The following VPS13B variants were observed in gnomAD, a reference collection of about 807,000 sequenced individuals.
VPS13B encodes intermembrane lipid transfer protein VPS13B.
Under a neutral mutation model 426.4 loss-of-function variants are expected in VPS13B, and 285 were observed. That is an observed-to-expected ratio of 0.67 (90% CI 0.61 to 0.74). The LOEUF is 0.74. Among genes scored for constraint, VPS13B ranks in the 30% least tolerant of loss-of-function variants. The pLI, the probability that VPS13B is intolerant of heterozygous loss-of-function variation, is 0.00. For missense variants in VPS13B, 4,537 were observed against 4,782.6 expected (o/e 0.95, Z 1.51); for synonymous variants, 1,676 against 1,676.4 (o/e 1.00, Z 0.01).
At chr8:99,615,698 T>C (rs1392717138) in intron 33 of VPS13B, among the ~76,000 whole-genome samples, 1 of 152,200 alleles carries the variant, frequency 6.6e-6, no homozygotes, top group Non-Finnish European at 1.5e-5. Flanking sequence ...AAATTTGTTT[T>C]GCCACACCTG....
chr8:99,727,751 A>G (rs958100854), intron 39 of VPS13B, among the ~76,000 whole-genome samples: 8 of 152,194 alleles, frequency 5.3e-5, no homozygotes, highest in African/African-American at 1.9e-4. Context: ...GCCAAACAGT[A>G]TCAGGTTTTA....
chr8:99,852,220 A>G (rs191677902), intron 55 of VPS13B, among the ~76,000 whole-genome samples: 1 of 152,340 alleles, frequency 6.6e-6, no homozygotes, highest in Admixed American at 6.5e-5. Context: ...GATTGGTTAT[A>G]GACATGATAA....
chr8:99,328,969 C>G (rs1374941694), intron 19 of VPS13B, among the ~76,000 whole-genome samples: 1 of 152,094 alleles, frequency 6.6e-6, no homozygotes, highest in South Asian at 2.1e-4. Context: ...CTCTCCTCCC[C>G]CTAGTTATTA....
At chr8:99,309,156 C>T (rs1384581995) in intron 19 of VPS13B, among the ~76,000 whole-genome samples, 1 of 152,092 alleles carries the variant, frequency 6.6e-6, no homozygotes, top group African/African-American at 2.4e-5. Context: ...ATGGTAGTTT[C>T]TTTTGCTGTG....
chr8:99,360,559 G>A (rs1337163115), intron 19 of VPS13B, among the ~76,000 whole-genome samples: 1 of 152,050 alleles, frequency 6.6e-6, no homozygotes, highest in Non-Finnish European at 1.5e-5. Context: ...TTACAGGCAT[G>A]AGCCACCCCA....
At chr8:99,326,895 C>T (rs572172808) in intron 19 of VPS13B, among the ~76,000 whole-genome samples, 2 of 152,280 alleles carry the variant, frequency 1.3e-5, no homozygotes, top group Admixed American at 1.3e-4. Flanking sequence ...CATTCAATCT[C>T]AGACACATGA....
At chr8:99,392,934 T>G (rs112140118) in intron 21 of VPS13B, among the ~76,000 whole-genome samples, 28 of 152,206 alleles carry the variant, frequency 1.8e-4, no homozygotes, top group African/African-American at 6.7e-4. Context: ...GATTATAAAA[T>G]TAAATATTCT....
intron 26 of VPS13B, among the ~76,000 whole-genome samples, 163 bp from the exon 27 acceptor site, chr8:99,502,673 A>C (rs934287044): frequency 6.6e-6 from 1 of 152,150 alleles, no homozygotes; most frequent in Admixed American, 6.5e-5. Flanking sequence ...TCTTATCTTA[A>C]TAAACAGGCC....
At chr8:99,371,014 C>T (rs1169793957) in intron 19 of VPS13B, among the ~76,000 whole-genome samples, 1 of 152,116 alleles carries the variant, frequency 6.6e-6, no homozygotes, top group Non-Finnish European at 1.5e-5. Context: ...TCACAAACCG[C>T]TTGAAATTTT....
intron 17 of VPS13B, among the ~76,000 whole-genome samples, chr8:99,244,334 T>C (rs1817088888): frequency 6.6e-6 from 1 of 152,256 alleles, no homozygotes; most frequent in Non-Finnish European, 1.5e-5. Context: ...ATTACTGGTA[T>C]TAAAAAAGCA....
At chr8:99,070,390 T>C (rs1844792545) in intron 3 of VPS13B, among the ~76,000 whole-genome samples, 2 of 152,248 alleles carry the variant, frequency 1.3e-5, no homozygotes, top group African/African-American at 4.8e-5. Context: ...ATTCTTTCTT[T>C]GTATTATAGT....
chr8:99,135,867 G>T, intron 11 of VPS13B, 134 bp downstream of exon 11: 2 of 1,221,168 alleles, frequency 1.6e-6, no homozygotes. Context: ...CATTTAGAAT[G>T]CATTTATACA....
rs1047477903 is a variant in VPS13B, at chr8:99,761,687, T to G, written c.7051-5087T>G. 1.4e-4 allele frequency among the ~76,000 whole-genome samples: 22 copies of G among 152,350 alleles called. 1 individual carries two copies. Among genetic ancestry groups the G allele is most frequent in the African/African-American group, 5.3e-4 (22 of 41,582 alleles). On this transcript the variant is annotated intron_variant, in intron 39 of 61. Transcript: ENST00000357162. ...CTCCACCAAAAAGATTACATTGAACTTTATATTCCGTTATTTGTATTACCA... is the reference window on the plus strand; with the variant it reads ...CTCCACCAAAAAGATTACATTGAACGTTATATTCCGTTATTTGTATTACCA...
chr8:99,444,007 C>CT (rs201151186), intron 23 of VPS13B, among the ~76,000 whole-genome samples: 29,813 of 146,898 alleles, frequency 0.2, 3,393 homozygotes, highest in East Asian at 0.38. Flanking sequence ...TTTTTCTTTT[C>CT]TTTTTTTTTT....
chr8:99,047,596 A>T (rs1237869142), intron 3 of VPS13B, among the ~76,000 whole-genome samples: 1 of 151,822 alleles, frequency 6.6e-6, no homozygotes, highest in East Asian at 1.9e-4. Flanking sequence ...CTCGTTCTCT[A>T]GCTCCTTGAG....
At chr8:99,519,696 G>T (rs11989649) in intron 29 of VPS13B, among the ~76,000 whole-genome samples, 1 of 150,088 alleles carries the variant, frequency 6.7e-6, no homozygotes, top group Non-Finnish European at 1.5e-5. Context: ...GCAAACTATC[G>T]CAAGACAAAA....
chr8:99,674,332 T>C (rs1477931509), intron 35 of VPS13B, among the ~76,000 whole-genome samples: 3 of 152,146 alleles, frequency 2.0e-5, no homozygotes, highest in South Asian at 4.1e-4. Flanking sequence ...TTTGTCATTA[T>C]ATAGGACTTG....
At chr8:99,512,675 A>G (rs1211438799) in intron 29 of VPS13B, among the ~76,000 whole-genome samples, 2 of 152,174 alleles carry the variant, frequency 1.3e-5, no homozygotes, top group Non-Finnish European at 2.9e-5. Context: ...AAAATTTATC[A>G]GTGTTTTGGG....
At chr8:99,439,398 G>T (rs1817568416) in intron 22 of VPS13B, among the ~76,000 whole-genome samples, 1 of 151,998 alleles carries the variant, frequency 6.6e-6, no homozygotes, top group South Asian at 2.1e-4. Context: ...CTTTTTTAGG[G>T]CTGGCACTAT....
Sources: gnomAD v4.1 joint callset for allele counts (sites outside exome capture counted in the v4.1 genomes callset) on GRCh38, gnomAD v4.1.1 for gene constraint, MANE v1.5 for transcripts, NCBI Gene and HGNC (gene_info 2026-07-23, HGNC 2026-07-21) for gene names.